SLC15A5: variants seen among roughly 807,000 people sequenced by gnomAD.
SLC15A5 encodes the protein Peptide/histidine transporter ENSP00000340402.
A neutral mutation model predicts 56.1 loss-of-function variants in SLC15A5; 58 were observed. The observed-to-expected ratio is 1.03, with a 90% confidence interval of 0.84 to 1.29. The LOEUF is 1.29. Ranked by LOEUF, SLC15A5 falls within the 50% of genes most tolerant of loss-of-function variation. SLC15A5 has a pLI of 0.00. For synonymous variants in SLC15A5, 264 were observed against 250.5 expected (o/e 1.05, Z -0.51); for missense variants, 681 against 672.1 (o/e 1.01, Z -0.15).
At chr12:16,204,526 A>G (rs891631042) in intron 7 of SLC15A5, among the ~76,000 whole-genome samples, 3 of 151,728 alleles carry the variant, frequency 2.0e-5, no homozygotes, top group Admixed American at 1.3e-4. Context: ...TAAATAAAAG[A>G]TAACCAAAAA....
chr12:16,246,676 TC>T (rs898718910), intron 3 of SLC15A5, among the ~76,000 whole-genome samples: 1 of 152,114 alleles, frequency 6.6e-6, no homozygotes, highest in Admixed American at 6.6e-5. Flanking sequence ...TTCCCCAGTT[TC>T]CCCCCAATTT....
chr12:16,214,843 T>G (rs1283395789), intron 7 of SLC15A5, among the ~76,000 whole-genome samples: 1 of 152,094 alleles, frequency 6.6e-6, no homozygotes, highest in Admixed American at 6.6e-5. Context: ...ATCCCCACAT[T>G]TATAGGCAGC....
chr12:16,248,127 A>G (rs1258391951), intron 3 of SLC15A5, among the ~76,000 whole-genome samples: 1 of 152,114 alleles, frequency 6.6e-6, no homozygotes, highest in African/African-American at 2.4e-5. Context: ...TGAGAGGGAG[A>G]AAACAAGAAG....
At chr12:16,241,079 C>T (rs1306302981) in intron 4 of SLC15A5, among the ~76,000 whole-genome samples, 1 of 152,144 alleles carries the variant, frequency 6.6e-6, no homozygotes, top group Non-Finnish European at 1.5e-5. Context: ...TCTCAAAGTG[C>T]TGGGATTACA....
intron 1 of SLC15A5, among the ~76,000 whole-genome samples, chr12:16,275,140 A>T (rs546473080): frequency 6.6e-6 from 1 of 152,112 alleles, no homozygotes; most frequent in East Asian, 1.9e-4. Context: ...TATAAGTATT[A>T]TATGGGTGTG....
rs1219304671 is a variant in SLC15A5, at chr12:16,243,803, ATAAAG to A, written c.975+772_975+776del. On this transcript the variant is annotated intron_variant, in intron 4 of 8. Coordinates refer to ENST00000344941, the MANE Select transcript of SLC15A5 (RefSeq NM_001170798.1). The surrounding 1 kb of genome is among the most constrained non-coding windows in gnomAD (Gnocchi z 4.4). Reference sequence around the variant, plus strand: ...TGAGCCTAAGGTTCCTGTTTAACAAATAAAGTAGTTTATGAAGTTAATCTCTAAAT... The same window carrying A: ...TGAGCCTAAGGTTCCTGTTTAACAAATAGTTTATGAAGTTAATCTCTAAAT... Among the ~76,000 whole-genome samples the A allele has an allele frequency of 2.6e-5, 4 of 152,312 alleles. No individual in the cohort carries two copies. The East Asian group carries it at 5.8e-4, about 22-fold the overall frequency.
intron 2 of SLC15A5, among the ~76,000 whole-genome samples, chr12:16,266,259 A>G (rs1864695008): frequency 6.6e-6 from 1 of 152,196 alleles, no homozygotes; most frequent in South Asian, 2.1e-4. Context: ...TGGAGCCAAA[A>G]GCACTGTTAC....
chr12:16,192,229 C>T (rs905535044), intron 8 of SLC15A5, among the ~76,000 whole-genome samples: 1 of 152,118 alleles, frequency 6.6e-6, no homozygotes, highest in African/African-American at 2.4e-5. Flanking sequence ...GGCTGCTCAA[C>T]ACATAGAAAA....
In SLC15A5 at chr12:16,272,749, C is replaced by G. The variant is rs79958066; in HGVS notation, c.396G>C (p.Leu132Phe). The change falls in exon 2 of 9, where the codon TTG becomes TTC. Residue 132 changes from leucine (L) to phenylalanine (F), a missense_variant. By Grantham distance (22) the Leu-to-Phe change is conservative (BLOSUM62 0). Transcript: ENST00000344941. ...TALLSVVAFPLEDFYLGTYHA... is the reference protein window; with the variant it reads ...TALLSVVAFPFEDFYLGTYHA... Reference sequence around the variant, plus strand: ...GGTAAGTGCCCAGATAGAAATCTTCCAAGGGAAAAGCCACCACAGATAACA... The same window carrying G: ...GGTAAGTGCCCAGATAGAAATCTTCGAAGGGAAAAGCCACCACAGATAACA... 6.5e-7 allele frequency: 1 copy of G among 1,536,988 alleles called. No individual in the cohort carries two copies. The highest frequency in any genetic ancestry group is 1.2e-5 in the South Asian group (1 of 84,062).
At chr12:16,251,318 A>C (rs1864516398) in intron 3 of SLC15A5, among the ~76,000 whole-genome samples, 1 of 151,914 alleles carries the variant, frequency 6.6e-6, no homozygotes, top group Non-Finnish European at 1.5e-5. Context: ...AGTCAGAAGA[A>C]AGAAGGAAAT....
intron 7 of SLC15A5, among the ~76,000 whole-genome samples, chr12:16,202,891 A>T (rs1863972092): frequency 6.6e-6 from 1 of 152,112 alleles, no homozygotes. Context: ...CATCTCACTT[A>T]TATGTGGAAT....
intron 2 of SLC15A5, among the ~76,000 whole-genome samples, chr12:16,262,405 G>A (rs953949534): frequency 6.6e-6 from 1 of 152,146 alleles, no homozygotes; most frequent in African/African-American, 2.4e-5. Flanking sequence ...CCAAAGACAT[G>A]AGTTAGAGTC....
intron 6 of SLC15A5, among the ~76,000 whole-genome samples, chr12:16,218,718 T>C (rs911664160): frequency 1.3e-5 from 2 of 152,192 alleles, no homozygotes; most frequent in African/African-American, 4.8e-5. Context: ...TGATCCATCA[T>C]TGATCAAAAT....
At chr12:16,219,271 C>T (rs1471026006) in intron 6 of SLC15A5, among the ~76,000 whole-genome samples, 3 of 152,152 alleles carry the variant, frequency 2.0e-5, no homozygotes, top group Admixed American at 1.3e-4. Context: ...CACGGTAGCA[C>T]AGCTCTTTGT....
At chr12:16,240,871 G>A (rs1864407378) in intron 4 of SLC15A5, among the ~76,000 whole-genome samples, 1 of 152,004 alleles carries the variant, frequency 6.6e-6, no homozygotes, top group South Asian at 2.1e-4. Flanking sequence ...GGAGTGCAGT[G>A]GTGTGATCTC....
At chr12:16,210,147 A>G (rs767254107) in intron 7 of SLC15A5, among the ~76,000 whole-genome samples, 3 of 152,036 alleles carry the variant, frequency 2.0e-5, no homozygotes, top group Non-Finnish European at 4.4e-5. Flanking sequence ...TGTGCTCTCT[A>G]CCAGAAAAAC....
chr12:16,254,725 A>T (rs1591656970), intron 3 of SLC15A5, among the ~76,000 whole-genome samples: 1 of 152,124 alleles, frequency 6.6e-6, no homozygotes, highest in African/African-American at 2.4e-5. Context: ...GCAAGACATT[A>T]TGTTAAGTGA....
intron 7 of SLC15A5, 33 bp downstream of exon 7, chr12:16,216,860 A>G (rs1387501601): frequency 6.6e-7 from 1 of 1,515,016 alleles, no homozygotes; most frequent in Non-Finnish European, 8.8e-7. Flanking sequence ...CATCAACTCA[A>G]TGTATATAAG....
At chr12:16,222,554 G>T (rs1486934773) in intron 6 of SLC15A5, among the ~76,000 whole-genome samples, 2 of 152,164 alleles carry the variant, frequency 1.3e-5, no homozygotes, top group African/African-American at 2.4e-5. Context: ...AGGTAGTAAT[G>T]GAAAAGCTAG....
Sources: allele counts gnomAD v4.1 joint callset (sites outside exome capture counted in the v4.1 genomes callset), GRCh38; gene constraint gnomAD v4.1.1; non-coding constraint Gnocchi (gnomAD v3.1); transcripts MANE v1.5; gene names NCBI Gene and HGNC (gene_info 2026-07-23, HGNC 2026-07-21).